Variants in SCN11A observed in about 807,000 individuals in gnomAD.
SCN11A encodes the protein sodium voltage-gated channel alpha subunit 11, also known as sodium channel protein type 11 subunit alpha.
In SCN11A, 122 loss-of-function variants were observed where a neutral mutation model predicts 162.2. The ratio of observed to expected loss-of-function variants is 0.75; its 90% CI spans 0.65 to 0.87. The LOEUF (loss-of-function observed/expected upper bound fraction) is 0.87, where lower values mean the gene tolerates loss of function less well. SCN11A is among the 40% of genes least tolerant of loss of function. SCN11A has a pLI of 0.00. For synonymous variants in SCN11A, 758 were observed against 751.5 expected (o/e 1.01, Z -0.14); for missense variants, 2,015 against 2,181.6 (o/e 0.92, Z 1.52).
intron 2 of SCN11A, among the ~76,000 whole-genome samples, chr3:38,984,150 A>T (rs1205942049): frequency 6.6e-6 from 1 of 152,176 alleles, no homozygotes; most frequent in African/African-American, 2.4e-5. Context: ...CTCCATGACC[A>T]TCAGGTCCTT....
chr3:39,051,560 C>G (rs1453647001), intron 1 of SCN11A, among the ~76,000 whole-genome samples: 7 of 152,156 alleles, frequency 4.6e-5, no homozygotes, highest in Non-Finnish European at 8.8e-5. Flanking sequence ...TATCTCTCCC[C>G]CTTTGAGGCC....
chr3:39,006,138 T>C (rs2030966828), intron 2 of SCN11A, among the ~76,000 whole-genome samples: 2 of 152,380 alleles, frequency 1.3e-5, no homozygotes, highest in African/African-American at 4.8e-5. Flanking sequence ...TTCCTTATTA[T>C]GTAATACATG....
chr3:38,899,978 G>C lies in SCN11A; in HGVS notation c.1938C>G (p.Ser646Arg). 1 of 1,614,026 alleles carries C rather than the reference G, an allele frequency of 6.2e-7. No homozygotes were observed. ...CTGCAAAACTCAGAAGAGCAACAAT[G>C]CTGTCAAAAATGTTCCAGCCTCGGC... ...YFRRGWNIFD[S>R]IVALLSFADV... Residue 646 changes from serine to arginine, a missense_variant, in exon 17 of 30, where the codon AGC (serine) becomes AGG (arginine). Transcript: ENST00000302328.
At chr3:39,007,542 C>T (rs1008812108) in intron 2 of SCN11A, among the ~76,000 whole-genome samples, 1 of 152,118 alleles carries the variant, frequency 6.6e-6, no homozygotes, top group Non-Finnish European at 1.5e-5. Flanking sequence ...GGAGATTGAG[C>T]TATTCACCAA....
intron 1 of SCN11A, among the ~76,000 whole-genome samples, chr3:39,046,674 C>G (rs889386318): frequency 3.3e-5 from 5 of 152,076 alleles, no homozygotes; most frequent in African/African-American, 9.7e-5. Context: ...ACACATCAAC[C>G]AATGGAACAG....
rs2065395267 is a variant in SCN11A, at chr3:38,886,155, C to T, written c.2919G>A (p.Glu973=). The change falls in exon 20 of 30, where the codon GAG becomes GAA. Residue 973 remains glutamate (E), a synonymous_variant. Coordinates refer to ENST00000302328, the MANE Select transcript of SCN11A (RefSeq NM_001349253.2). ...SVEIDMFSED[E]PHLTIQDPRK... is the part of the protein sequence containing the mutation. ...GGGGATCCTGTATGGTCAGATGAGG[C>T]TCATCTTCAGAGAACATGTCAATTT... is the stretch of plus-strand genomic sequence containing the variant. The T allele has an allele frequency of 1.2e-6, 2 of 1,612,652 alleles. No individual in the cohort carries two copies. Among genetic ancestry groups the T allele is most frequent in the South Asian group, 1.1e-5 (1 of 91,010 alleles).
intron 17 of SCN11A, among the ~76,000 whole-genome samples, chr3:38,899,632 G>A (rs2065663294): frequency 6.6e-6 from 1 of 152,122 alleles, no homozygotes; most frequent in South Asian, 2.1e-4. Context: ...CCTCACACTG[G>A]GAGACACAAT....
In SCN11A at chr3:38,871,719, C is replaced by T; in HGVS notation, c.3496-11G>A. The T allele has an allele frequency of 6.4e-7, 1 of 1,573,428 alleles. No homozygotes were observed. The highest frequency in any genetic ancestry group is 1.2e-5 in the South Asian group (1 of 82,580). On this transcript the variant is annotated splice_polypyrimidine_tract_variant and intron_variant, in intron 24 of 29. Coordinates refer to ENST00000302328, the MANE Select transcript of SCN11A (RefSeq NM_001349253.2). ...AGCATTGACCACCACCTTATGGAAACAAAAGCAAAGAAAACCATAACAGAT... is the reference window on the plus strand; with the variant it reads ...AGCATTGACCACCACCTTATGGAAATAAAAGCAAAGAAAACCATAACAGAT...
intron 27 of SCN11A, among the ~76,000 whole-genome samples, chr3:38,865,070 T>C (rs1430391783): frequency 6.6e-6 from 1 of 152,166 alleles, no homozygotes; most frequent in East Asian, 1.9e-4. Context: ...AATGATGTGA[T>C]GTCTGTGGTT....
chr3:38,904,124 G>A (rs754861051), intron 15 of SCN11A, 21 bp from the exon 16 acceptor site: 34 of 1,499,590 alleles, frequency 2.3e-5, no homozygotes, highest in Non-Finnish European at 3.0e-5. Context: ...ATGAGCGAGA[G>A]GTTGAGGAGT....
chr3:38,921,255 C>T lies in SCN11A; in HGVS notation c.713G>A (p.Arg238His). 1 of 1,613,506 alleles carries T rather than the reference C, an allele frequency of 6.2e-7. No homozygotes were observed. Among genetic ancestry groups the T allele is most frequent in the Non-Finnish European group, 8.5e-7 (1 of 1,179,684 alleles). ...RALKAISVVS[R>H]LKVIVGALLR... ...CAAGGCCCCCACGATGACCTTCAGA[C>T]CTGAGAAAGAGGACAGGCTTGGGGA... Residue 238 changes from arginine (R) to histidine (H), a missense_variant and splice_region_variant, in exon 10 of 30, where the codon CGT (arginine) becomes CAT (histidine). Coordinates refer to ENST00000302328, the MANE Select transcript of SCN11A (RefSeq NM_001349253.2).
In SCN11A at chr3:38,885,361, A is replaced by G; in HGVS notation, c.2991T>C (p.Ile997=). ...ACCATCCAAAGCCATCCTGAAGATC[A>G]ATGGTGCTACATTCTGATAGTATAC... ...VTSILSECST[I]DLQDGFGWLP... Residue 997 remains isoleucine (I), a synonymous_variant, in exon 21 of 30, where the codon ATT becomes ATC. Transcript: ENST00000302328. 6.2e-7 allele frequency: 1 copy of G among 1,613,316 alleles called. No individual in the cohort carries two copies. The highest frequency in any genetic ancestry group is 8.5e-7 in the Non-Finnish European group (1 of 1,179,196).
intron 7 of SCN11A, among the ~76,000 whole-genome samples, chr3:38,934,629 G>C (rs2066299569): frequency 6.6e-6 from 1 of 152,036 alleles, no homozygotes; most frequent in Admixed American, 6.5e-5. Context: ...AACAGACAAA[G>C]AAGGCCATTA....
chr3:38,871,501 T>G lies in SCN11A; in HGVS notation c.3703A>C (p.Asn1235His), dbSNP rs1329588894. 6.2e-7 allele frequency: 1 copy of G among 1,613,246 alleles called. No individual in the cohort carries two copies. Among genetic ancestry groups the G allele is most frequent in the Admixed American group, 1.7e-5 (1 of 59,888 alleles). The stretch of plus-strand genomic sequence containing the variant: ...ACATTGTCAAAGTTGACTTTCTGGT[T>G]GATCCAAGAGAAATTGCCACTTTCA... ...QCESGNFSWI[N>H]QKVNFDNVGN... Residue 1235 changes from asparagine to histidine, a missense_variant, in exon 25 of 30, where the codon AAC (asparagine) becomes CAC (histidine). By Grantham distance (68) the Asn-to-His change is moderately conservative (BLOSUM62 1). Transcript: ENST00000302328.
At chr3:39,018,810 A>G (rs1020453875) in intron 2 of SCN11A, among the ~76,000 whole-genome samples, 10 of 152,090 alleles carry the variant, frequency 6.6e-5, no homozygotes, top group Non-Finnish European at 8.8e-5. Flanking sequence ...AGAGCAAGAC[A>G]CTGTCTCAAA....
At position 38,995,488 on chromosome 3, in the gene SCN11A, T is replaced by C. The variant is rs117595694; in HGVS notation, c.-279-35065A>G. On this transcript the variant is annotated intron_variant, in intron 2 of 29. Coordinates refer to ENST00000302328, the MANE Select transcript of SCN11A (RefSeq NM_001349253.2). ...TGAAATTAGTGTTTGAATTGTGGAC[T>C]CAGTGGACCACCTTCCTCCATGTTG... is the stretch of plus-strand genomic sequence containing the variant. Among the ~76,000 whole-genome samples the C allele has an allele frequency of 3.3e-5, 5 of 152,318 alleles. No homozygotes were observed. In the East Asian group the frequency reaches 7.7e-4, roughly 24 times the overall value.
intron 2 of SCN11A, among the ~76,000 whole-genome samples, chr3:38,984,889 A>G (rs938697975): frequency 6.6e-6 from 1 of 151,910 alleles, no homozygotes; most frequent in African/African-American, 2.4e-5. Context: ...GAGCAAATGC[A>G]AAGACCTTGA....
intron 7 of SCN11A, among the ~76,000 whole-genome samples, chr3:38,938,464 T>G (rs898098127): frequency 3.6e-5 from 5 of 138,134 alleles, no homozygotes; most frequent in African/African-American, 1.3e-4. Flanking sequence ...TATGTCCTAT[T>G]GAATGTATAA....
At chr3:38,924,789 G>A (rs1481726293) in intron 9 of SCN11A, among the ~76,000 whole-genome samples, 1 of 151,942 alleles carries the variant, frequency 6.6e-6, no homozygotes, top group Admixed American at 6.6e-5. Context: ...AATTACTGGC[G>A]TGAGCAACTG....
Sources: gnomAD v4.1 joint callset for allele counts (sites outside exome capture counted in the v4.1 genomes callset) on GRCh38, gnomAD v4.1.1 for gene constraint, MANE v1.5 for transcripts, NCBI Gene and HGNC (gene_info 2026-07-23, HGNC 2026-07-21) for gene names.